Variants in IFNGR1 observed in about 807,000 individuals in gnomAD.
IFNGR1 encodes interferon gamma receptor 1, also known as AVP, type 2.
In IFNGR1, 23 loss-of-function variants were observed where a neutral mutation model predicts 35.4. That is an observed-to-expected ratio of 0.65 (90% CI 0.47 to 0.92). IFNGR1 has a LOEUF of 0.92. IFNGR1 is among the 40% of genes least tolerant of loss of function. The pLI, the probability that IFNGR1 is intolerant of heterozygous loss-of-function variation, is 0.00. For missense variants in IFNGR1, 533 were observed against 583.4 expected, an observed-to-expected ratio of 0.91 and a Z score of 0.89; for synonymous variants, 199 against 209.5, an observed-to-expected ratio of 0.95 and a Z score of 0.43.
In IFNGR1 at chr6:137,219,367, G is replaced by A; in HGVS notation, c.-40C>T. ...TCGCTGGCTCCAACCCCGAGCGCCT[G>A]CGGGACCAGCCCAGCACTGCCCTCC... On this transcript the variant is annotated 5_prime_UTR_variant, in exon 1 of 7. Coordinates refer to ENST00000367739, the MANE Select transcript of IFNGR1 (RefSeq NM_000416.3). 1.3e-6 allele frequency: 2 copies of A among 1,575,014 alleles called. No homozygotes were observed. Among genetic ancestry groups the A allele is most frequent in the Middle Eastern group, 1.7e-4 (1 of 5,984 alleles).
chr6:137,203,731 C>CT, intron 4 of IFNGR1, 46 bp from the exon 5 acceptor site: 9 of 1,386,804 alleles, frequency 6.5e-6, no homozygotes, highest in East Asian at 2.5e-5. Flanking sequence ...TTCTTTTAAT[C>CT]TGAAAAAAAA....
chr6:137,199,469 TAAAA>T (rs1562283208), intron 6 of IFNGR1, among the ~76,000 whole-genome samples: 8 of 105,278 alleles, frequency 7.6e-5, no homozygotes, highest in South Asian at 5.0e-4. Flanking sequence ...TTATATTATA[TAAAA>T]TATATAATTT....
intron 6 of IFNGR1, 128 bp downstream of exon 6, chr6:137,200,753 A>T: frequency 1.3e-6 from 1 of 798,614 alleles, no homozygotes; most frequent in Non-Finnish European, 2.0e-6. Context: ...CATGTGTGGT[A>T]GACTGACTGA....
Position 137,207,003 on chromosome 6 carries a change from G to C in IFNGR1, c.160C>G (p.Pro54Ala). The change falls in exon 2 of 7, where the codon CCA becomes GCA. Residue 54 changes from proline (P) to alanine (A), a missense_variant. Physicochemically the swap from Pro to Ala is conservative, Grantham distance 27. Coordinates refer to ENST00000367739, the MANE Select transcript of IFNGR1 (RefSeq NM_000416.3). ...PIVYWEYQIM[P>A]QVPVFTVEVK... ...TCTACGGTAAAAACAGGGACCTGTG[G>C]CATGATCTGGTACTCCCAATATACG... The C allele has an allele frequency of 6.2e-7, 1 of 1,613,738 alleles. No homozygotes were observed. Among genetic ancestry groups the C allele is most frequent in the South Asian group, 1.1e-5 (1 of 91,076 alleles).
rs1193009903 is a variant in IFNGR1 at position 137,198,030 on chromosome 6, C to A, written c.*1G>T. On this transcript the variant is annotated 3_prime_UTR_variant, in exon 7 of 7. Transcript: ENST00000367739. ...TCAAAGTTGGTGCAACTTAGCTGATCTCATGAAAATTCTTTGGAATCTTCT... is the reference window on the plus strand; with the variant it reads ...TCAAAGTTGGTGCAACTTAGCTGATATCATGAAAATTCTTTGGAATCTTCT... 1.2e-6 allele frequency: 2 copies of A among 1,613,824 alleles called. No homozygotes were observed. The highest frequency in any genetic ancestry group is 1.7e-6 in the Non-Finnish European group (2 of 1,179,972).
chr6:137,199,386 T>TATAA (rs1779187236), intron 6 of IFNGR1, among the ~76,000 whole-genome samples: 1 of 126,628 alleles, frequency 7.9e-6, no homozygotes, highest in African/African-American at 3.0e-5. Flanking sequence ...ATAATTTATA[T>TATAA]TACATAAAAT....
chr6:137,209,471 G>C (rs145043126), intron 1 of IFNGR1, among the ~76,000 whole-genome samples: 1 of 152,122 alleles, frequency 6.6e-6, no homozygotes, highest in Non-Finnish European at 1.5e-5. Context: ...ATTGAATCAC[G>C]GGGGCTGGTC....
chr6:137,204,928 T>C (rs1404633734), intron 3 of IFNGR1, among the ~76,000 whole-genome samples: 2 of 152,242 alleles, frequency 1.3e-5, no homozygotes, highest in Non-Finnish European at 2.9e-5. Context: ...AAAACTCTTT[T>C]TACTGTGAAA....
intron 1 of IFNGR1, among the ~76,000 whole-genome samples, chr6:137,207,654 T>C (rs1779471813): frequency 6.6e-6 from 1 of 152,190 alleles, no homozygotes. Flanking sequence ...TTCGTCCTCA[T>C]TTTCTCTTGC....
In IFNGR1 at chr6:137,197,834, A is replaced by T; in HGVS notation, c.*197T>A. 1 of 617,878 alleles carries T rather than the reference A, an allele frequency of 1.6e-6. No individual in the cohort carries two copies. Among genetic ancestry groups the T allele is most frequent in the East Asian group, 3.2e-5 (1 of 31,532 alleles). The allele number at this position is 617,878 out of a possible 1,614,324, so 38.3% of individuals were successfully genotyped here. ...GTTACAATGCTTTTTTTGTTTAAAA[A>T]AAAAAAAAAGTCTGTACTTTACAAG... On this transcript the variant is annotated 3_prime_UTR_variant, in exon 7 of 7. Coordinates refer to ENST00000367739, the MANE Select transcript of IFNGR1 (RefSeq NM_000416.3).
rs375024435 is a variant in IFNGR1 at position 137,207,011 on chromosome 6, T to C, written c.152A>G (p.Gln51Arg). 89 of 1,613,774 alleles carry C rather than the reference T, an allele frequency of 5.5e-5. No homozygotes were observed. Among genetic ancestry groups the C allele is most frequent in the Non-Finnish European group, 7.5e-5 (89 of 1,179,798 alleles). Reference protein sequence around the residue: ...NMNPIVYWEYQIMPQVPVFTV... With the variant: ...NMNPIVYWEYRIMPQVPVFTV... ...AAAAACAGGGACCTGTGGCATGATC[T>C]GGTACTCCCAATATACGATAGGGTT... The change falls in exon 2 of 7, where the codon CAG becomes CGG. Residue 51 changes from glutamine to arginine, a missense_variant. Transcript: ENST00000367739.
rs759619159 is a variant in IFNGR1, at chr6:137,212,167, C to A, written c.86-5090G>T. Among the ~76,000 whole-genome samples the A allele has an allele frequency of 4.5e-4, 69 of 152,194 alleles. 1 individual carries two copies. The highest frequency in any genetic ancestry group is 1.2e-4 in the African/African-American group (5 of 41,436). Reference sequence around the variant, plus strand: ...TCTCTACTTTTGGTGTCACTGAAGGCTACAGTGTCACTCAGCTTTCTGCCA... The same window carrying A: ...TCTCTACTTTTGGTGTCACTGAAGGATACAGTGTCACTCAGCTTTCTGCCA... On this transcript the variant is annotated intron_variant, in intron 1 of 6. Transcript: ENST00000367739.
At chr6:137,202,216 G>C (rs977342525) in intron 5 of IFNGR1, among the ~76,000 whole-genome samples, 11 of 152,242 alleles carry the variant, frequency 7.2e-5, no homozygotes, top group African/African-American at 2.7e-4. Flanking sequence ...GGCTGAGCAA[G>C]TGCTGGCTGC....
chr6:137,203,406 C>T (rs990960667), intron 5 of IFNGR1, 93 bp downstream of exon 5: 1 of 756,922 alleles, frequency 1.3e-6, no homozygotes, highest in Non-Finnish European at 2.4e-6. Context: ...TAAAACAGAT[C>T]TTTTGAAACT....
At chr6:137,217,269 G>A (rs998784755) in intron 1 of IFNGR1, among the ~76,000 whole-genome samples, 3 of 152,286 alleles carry the variant, frequency 2.0e-5, no homozygotes, top group East Asian at 3.9e-4. Context: ...CTTTCTAAAT[G>A]GCATGTCTGA....
chr6:137,218,940 C>G (rs1463191451), intron 1 of IFNGR1: 1 of 497,802 alleles, frequency 2.0e-6, no homozygotes, highest in Non-Finnish European at 3.7e-6. Flanking sequence ...CATTGACCAG[C>G]AACGTCCTTC....
At chr6:137,198,765 G>T in intron 6 of IFNGR1, 126 bp from the exon 7 acceptor site, 1 of 717,760 alleles carries the variant, frequency 1.4e-6, no homozygotes, top group South Asian at 1.7e-5. Context: ...TGAATCAGAT[G>T]TTGCCATTTC....
intron 1 of IFNGR1, among the ~76,000 whole-genome samples, chr6:137,209,499 G>C (rs1438411023): frequency 6.6e-6 from 1 of 152,088 alleles, no homozygotes; most frequent in Non-Finnish European, 1.5e-5. Flanking sequence ...TGCTAGTCTC[G>C]TGATAGTGAG....
intron 1 of IFNGR1, among the ~76,000 whole-genome samples, chr6:137,208,972 G>A (rs1021493441): frequency 6.6e-6 from 1 of 152,234 alleles, no homozygotes; most frequent in African/African-American, 2.4e-5. Context: ...GGGCAGAGCT[G>A]CTCAAGACCA....
Sources: allele counts gnomAD v4.1 joint callset (sites outside exome capture counted in the v4.1 genomes callset), GRCh38; gene constraint gnomAD v4.1.1; transcripts MANE v1.5; gene names NCBI Gene and HGNC (gene_info 2026-07-23, HGNC 2026-07-21).